SOX5: variants seen among roughly 807,000 people sequenced by gnomAD.
SOX5 encodes transcription factor SOX-5.
In SOX5, 9 loss-of-function variants were observed where a neutral mutation model predicts 92.0. The ratio of observed to expected loss-of-function variants is 0.10; its 90% CI spans 0.06 to 0.17. The LOEUF (loss-of-function observed/expected upper bound fraction) is 0.17, where lower values mean the gene tolerates loss of function less well. Ranked by LOEUF, SOX5 falls within the 10% of genes least tolerant of loss-of-function variation. SOX5 has a pLI of 1.00. For missense variants in SOX5, 642 were observed against 944.5 expected (o/e 0.68, Z 4.20); for synonymous variants, 344 against 336.3 (o/e 1.02, Z -0.25).
intron 1 of SOX5, among the ~76,000 whole-genome samples, chr12:24,534,395 T>C (rs1360977679): frequency 6.6e-6 from 1 of 151,948 alleles, no homozygotes; most frequent in Non-Finnish European, 1.5e-5. Context: ...TAAATTATAG[T>C]CAATAAAATA....
chr12:23,886,042 TACC>T (rs1478811807), intron 2 of SOX5, among the ~76,000 whole-genome samples: 1 of 152,200 alleles, frequency 6.6e-6, no homozygotes, highest in African/African-American at 2.4e-5. Context: ...TTACCTAATG[TACC>T]ACCAATAGTG....
intron 3 of SOX5, among the ~76,000 whole-genome samples, chr12:23,812,413 T>A (rs1594700066): frequency 6.6e-6 from 1 of 152,140 alleles, no homozygotes. Context: ...CTATCAGTAA[T>A]TTGTTCTTCT....
At chr12:23,833,738 C>T (rs938898387) in intron 3 of SOX5, among the ~76,000 whole-genome samples, 1 of 151,446 alleles carries the variant, frequency 6.6e-6, no homozygotes. Flanking sequence ...AATGATCTTA[C>T]AATTCAATAA....
chr12:24,079,994 C>T (rs888676701), intron 4 of SOX5, among the ~76,000 whole-genome samples: 18 of 151,808 alleles, frequency 1.2e-4, no homozygotes, highest in Admixed American at 4.6e-4. Context: ...TATACAATTA[C>T]TACTGCTTTA....
chr12:24,082,792 T>C (rs993837013), intron 4 of SOX5, among the ~76,000 whole-genome samples: 1 of 151,984 alleles, frequency 6.6e-6, no homozygotes, highest in Non-Finnish European at 1.5e-5. Context: ...TAGTTATCTT[T>C]GCTGTTGAGA....
chr12:24,149,288 A>T (rs1284265837), intron 4 of SOX5, among the ~76,000 whole-genome samples: 1 of 152,184 alleles, frequency 6.6e-6, no homozygotes. Flanking sequence ...GGTTACAGAA[A>T]ATACAAATCA....
At chr12:24,254,194 T>G (rs1246564688) in intron 3 of SOX5, among the ~76,000 whole-genome samples, 1 of 152,060 alleles carries the variant, frequency 6.6e-6, no homozygotes, top group African/African-American at 2.4e-5. Context: ...CTGAACTAGA[T>G]GGATTATGGG....
intron 4 of SOX5, among the ~76,000 whole-genome samples, chr12:24,180,310 T>C (rs1332482195): frequency 1.3e-5 from 2 of 152,172 alleles, no homozygotes; most frequent in Admixed American, 6.6e-5. Flanking sequence ...TTCATAAACA[T>C]AGCAACAAAC....
At chr12:24,023,124 A>G (rs1411594570) in intron 4 of SOX5, among the ~76,000 whole-genome samples, 1 of 152,156 alleles carries the variant, frequency 6.6e-6, no homozygotes, top group Admixed American at 6.6e-5. Flanking sequence ...TTACAAATTT[A>G]TCTGTGAATC....
At chr12:23,800,475 T>C (rs2095640470) in intron 3 of SOX5, among the ~76,000 whole-genome samples, 1 of 151,970 alleles carries the variant, frequency 6.6e-6, no homozygotes, top group Non-Finnish European at 1.5e-5. Flanking sequence ...AAAACGTACA[T>C]GATGATGACT....
At chr12:23,602,597 T>C (rs1446049056) in intron 9 of SOX5, among the ~76,000 whole-genome samples, 1 of 152,012 alleles carries the variant, frequency 6.6e-6, no homozygotes, top group African/African-American at 2.4e-5. Flanking sequence ...CCTAAAATCA[T>C]AAAGCAAAAT....
chr12:23,714,040 C>T (rs1449387600), intron 6 of SOX5, among the ~76,000 whole-genome samples: 2 of 148,978 alleles, frequency 1.3e-5, no homozygotes, highest in South Asian at 2.1e-4. Context: ...TGCAGTGAGC[C>T]GAGATCATGA....
intron 1 of SOX5, among the ~76,000 whole-genome samples, chr12:24,377,022 A>G (rs1957357039): frequency 6.6e-6 from 1 of 152,022 alleles, no homozygotes; most frequent in South Asian, 2.1e-4. Context: ...TGGGCCAGCC[A>G]TCCTCTGCCC....
chr12:23,600,961 G>A (rs1194827436), intron 9 of SOX5, among the ~76,000 whole-genome samples: 2 of 151,986 alleles, frequency 1.3e-5, no homozygotes, highest in Admixed American at 6.6e-5. Context: ...TCTGTCATAC[G>A]CCATTACCAT....
At chr12:23,654,462 A>G (rs1006403248) in intron 7 of SOX5, among the ~76,000 whole-genome samples, 4 of 152,100 alleles carry the variant, frequency 2.6e-5, no homozygotes, top group African/African-American at 9.7e-5. Context: ...AGAAAATAAG[A>G]TGTTACATAT....
intron 7 of SOX5, among the ~76,000 whole-genome samples, chr12:23,659,171 C>T (rs994673230): frequency 3.9e-5 from 6 of 152,064 alleles, no homozygotes; most frequent in Non-Finnish European, 5.9e-5. Flanking sequence ...ATGCCAGACA[C>T]GTGAACTCTT....
chr12:23,711,431 AT>A (rs1022254122), intron 6 of SOX5, among the ~76,000 whole-genome samples: 13 of 152,216 alleles, frequency 8.5e-5, no homozygotes, highest in African/African-American at 3.1e-4. Context: ...TGCATAGGAA[AT>A]AATTGTGCAT....
intron 4 of SOX5, among the ~76,000 whole-genome samples, chr12:24,178,756 C>G (rs1222518865): frequency 6.6e-6 from 1 of 152,176 alleles, no homozygotes; most frequent in Non-Finnish European, 1.5e-5. Flanking sequence ...GTTCTATATG[C>G]TACTGTATAA....
At chr12:23,584,732 T>TAC in intron 9 of SOX5, 1 of 162,810 alleles carries the variant, frequency 6.1e-6, no homozygotes, top group Non-Finnish European at 1.3e-5. Flanking sequence ...CAGGTGTGAG[T>TAC]GTGTGTGTGT....
Sources: gnomAD v4.1 joint callset for allele counts (sites outside exome capture counted in the v4.1 genomes callset) on GRCh38, gnomAD v4.1.1 for gene constraint, MANE v1.5 for transcripts, NCBI Gene and HGNC (gene_info 2026-07-23, HGNC 2026-07-21) for gene names.